THSD7A: variants seen among roughly 807,000 people sequenced by gnomAD.
THSD7A encodes thrombospondin type-1 domain-containing protein 7A.
In THSD7A, 96 loss-of-function variants were observed where a neutral mutation model predicts 231.3. The observed-to-expected ratio is 0.41, with a 90% CI of 0.35 to 0.49. The LOEUF is 0.49. Ranked by LOEUF, THSD7A falls within the 20% of genes least tolerant of loss-of-function variation. The probability of loss-of-function intolerance (pLI) is 0.05; values close to 1 mark genes in which losing one functional copy is unlikely to be tolerated. For synonymous variants in THSD7A, 940 were observed against 743.3 expected (o/e 1.26, Z -4.30); for missense variants, 2,290 against 2,070.2 (o/e 1.11, Z -2.06).
intron 13 of THSD7A, among the ~76,000 whole-genome samples, chr7:11,439,185 T>C (rs1483927008): frequency 6.6e-6 from 1 of 152,014 alleles, no homozygotes; most frequent in Non-Finnish European, 1.5e-5. Flanking sequence ...CCATTAAGAC[T>C]TAATACCCAA....
chr7:11,758,804 G>C (rs1240849671), intron 1 of THSD7A, among the ~76,000 whole-genome samples: 1 of 151,958 alleles, frequency 6.6e-6, no homozygotes, highest in Non-Finnish European at 1.5e-5. Flanking sequence ...AATATTTTAG[G>C]CTCTGTGAGC....
intron 6 of THSD7A, among the ~76,000 whole-genome samples, chr7:11,486,311 T>C (rs564686822): frequency 2.0e-5 from 3 of 152,324 alleles, no homozygotes; most frequent in Admixed American, 1.3e-4. Flanking sequence ...TACTTCAGAG[T>C]ATATATAGGA....
intron 1 of THSD7A, among the ~76,000 whole-genome samples, chr7:11,647,311 G>A (rs1299330951): frequency 6.6e-6 from 1 of 152,036 alleles, no homozygotes; most frequent in East Asian, 1.9e-4. Flanking sequence ...AATTCCTGAA[G>A]TGACTCAGGG....
intron 4 of THSD7A, among the ~76,000 whole-genome samples, chr7:11,566,967 G>T (rs201042408): frequency 1.9e-5 from 2 of 105,692 alleles, no homozygotes; most frequent in South Asian, 3.8e-4. Flanking sequence ...TGGGAGAGTG[G>T]GGGGGGGACT....
chr7:11,779,715 T>C (rs1200014727), intron 1 of THSD7A, among the ~76,000 whole-genome samples: 3 of 152,244 alleles, frequency 2.0e-5, no homozygotes, highest in South Asian at 4.1e-4. Flanking sequence ...ATCATTGTAT[T>C]AATTTCCTCA....
chr7:11,411,452 T>C lies in THSD7A; in HGVS notation c.3683-130A>G. ...AAGCCCCATAATCAATCATCCCCCA[T>C]GCAGAGCATATGGGTCCCAGCTTTG... is the stretch of plus-strand genomic sequence containing the variant. On this transcript the variant is annotated intron_variant, in intron 18 of 27. Coordinates refer to ENST00000423059, the MANE Select transcript of THSD7A (RefSeq NM_015204.3). The surrounding 1 kb of genome is among the most constrained non-coding windows in gnomAD (Gnocchi z 4.1). 3.1e-6 allele frequency: 2 copies of C among 646,378 alleles called. No individual in the cohort carries two copies. Among genetic ancestry groups the C allele is most frequent in the Non-Finnish European group, 5.4e-6 (2 of 371,692 alleles). The allele number at this position is 646,378 out of a possible 1,614,324, so 40.0% of individuals were successfully genotyped here. A position where few individuals can be genotyped will look rare whatever the true frequency, so the allele number is the denominator to read the frequency against.
At chr7:11,635,078 G>T (rs1781785890) in intron 2 of THSD7A, among the ~76,000 whole-genome samples, 1 of 152,132 alleles carries the variant, frequency 6.6e-6, no homozygotes, top group Admixed American at 6.6e-5. Flanking sequence ...TCTGTTACAA[G>T]ATTTCCAGAG....
chr7:11,710,006 C>G (rs917648749), intron 1 of THSD7A, among the ~76,000 whole-genome samples: 4 of 150,810 alleles, frequency 2.7e-5, no homozygotes, highest in Non-Finnish European at 4.5e-5. Context: ...TCTTTAATGT[C>G]ATTATCTCAA....
intron 6 of THSD7A, among the ~76,000 whole-genome samples, chr7:11,517,524 A>T (rs192283889): frequency 9.2e-5 from 14 of 152,342 alleles, no homozygotes; most frequent in African/African-American, 3.4e-4. Flanking sequence ...AATAAGCACA[A>T]GAGAATCAGA....
chr7:11,595,402 T>A (rs902755401), intron 2 of THSD7A, among the ~76,000 whole-genome samples: 1 of 152,110 alleles, frequency 6.6e-6, no homozygotes, highest in African/African-American at 2.4e-5. Flanking sequence ...AATTTATTGA[T>A]TTGGGCCCAC....
intron 6 of THSD7A, among the ~76,000 whole-genome samples, chr7:11,487,956 G>C (rs1399038614): frequency 6.6e-6 from 1 of 152,030 alleles, no homozygotes; most frequent in Non-Finnish European, 1.5e-5. Flanking sequence ...ATAGAAATGT[G>C]CAACTTTTAT....
At chr7:11,707,453 T>C (rs1394056902) in intron 1 of THSD7A, among the ~76,000 whole-genome samples, 2 of 150,880 alleles carry the variant, frequency 1.3e-5, no homozygotes, top group African/African-American at 4.8e-5. Context: ...CTGTTGGATT[T>C]AGGAATCATG....
intron 1 of THSD7A, among the ~76,000 whole-genome samples, chr7:11,800,419 G>A (rs1248538942): frequency 6.6e-6 from 1 of 152,006 alleles, no homozygotes; most frequent in African/African-American, 2.4e-5. Flanking sequence ...TGTGGTGATG[G>A]GCGCCTGTAA....
At chr7:11,509,614 C>G (rs902149432) in intron 6 of THSD7A, among the ~76,000 whole-genome samples, 1 of 151,236 alleles carries the variant, frequency 6.6e-6, no homozygotes, top group African/African-American at 2.4e-5. Context: ...GGGTGGATCA[C>G]GAGGTCAGGA....
intron 1 of THSD7A, among the ~76,000 whole-genome samples, chr7:11,687,491 C>T (rs1780094952): frequency 6.6e-6 from 1 of 151,786 alleles, no homozygotes; most frequent in African/African-American, 2.4e-5. Context: ...CTCAGACAAC[C>T]TTAAAATATC....
chr7:11,580,864 C>G (rs889324948), intron 4 of THSD7A, among the ~76,000 whole-genome samples: 1 of 152,034 alleles, frequency 6.6e-6, no homozygotes, highest in African/African-American at 2.4e-5. Flanking sequence ...GTAAATGAAC[C>G]TGCACTTGTA....
chr7:11,376,794 A>G (rs1782293476), intron 26 of THSD7A, 137 bp from the exon 27 acceptor site: 2 of 485,066 alleles, frequency 4.1e-6, no homozygotes, highest in Non-Finnish European at 7.1e-6. Context: ...CAGCACAGTT[A>G]ATGATTAATG....
intron 17 of THSD7A, among the ~76,000 whole-genome samples, chr7:11,415,153 T>C (rs1783918433): frequency 6.6e-6 from 1 of 152,248 alleles, no homozygotes; most frequent in Non-Finnish European, 1.5e-5. Context: ...TCAAATCATG[T>C]TCAAATATGA....
chr7:11,762,869 A>G (rs1216336312), intron 1 of THSD7A, among the ~76,000 whole-genome samples: 3 of 152,146 alleles, frequency 2.0e-5, no homozygotes, highest in Non-Finnish European at 4.4e-5. Flanking sequence ...CATTATAATG[A>G]CCATATTGAC....
Sources: gnomAD v4.1 joint callset for allele counts (sites outside exome capture counted in the v4.1 genomes callset) on GRCh38, gnomAD v4.1.1 for gene constraint, Gnocchi (gnomAD v3.1) non-coding constraint, MANE v1.5 for transcripts, NCBI Gene and HGNC (gene_info 2026-07-23, HGNC 2026-07-21) for gene names.